The following EIF4E3 variants were observed in gnomAD, a reference collection of about 807,000 sequenced individuals.
EIF4E3 encodes the protein eukaryotic translation initiation factor 4E family member 3.
EIF4E3 carries 26 observed loss-of-function variants against 31.7 expected under a neutral mutation model. The ratio of observed to expected loss-of-function variants is 0.82; its 90% confidence interval spans 0.60 to 1.14. The LOEUF is 1.14. Ranked by LOEUF, EIF4E3 falls within the 50% of genes most tolerant of loss-of-function variation. EIF4E3 has a pLI of 0.00. For missense variants in EIF4E3, 304 were observed against 270.9 expected (o/e 1.12, Z -0.86); for synonymous variants, 128 against 107.7 (o/e 1.19, Z -1.17).
the EIF4E3 span, among the ~76,000 whole-genome samples, chr3:71,669,098 G>C: frequency 6.6e-6 from 1 of 152,130 alleles, no homozygotes; most frequent in East Asian, 1.9e-4. Context: ...CCTTTGCAGG[G>C]ACATGGATGA....
At chr3:71,726,303 C>G (rs2049638485), upstream of EIF4E3, among the ~76,000 whole-genome samples, 3 of 152,214 alleles carry the variant, frequency 2.0e-5, no homozygotes, top group Admixed American at 2.0e-4. Context: ...CCTGTGAACA[C>G]AGAGCGCTCT....
At chr3:71,713,132 G>T (rs925016932) in intron 1 of EIF4E3, among the ~76,000 whole-genome samples, 8 of 152,186 alleles carry the variant, frequency 5.3e-5, no homozygotes, top group Non-Finnish European at 1.2e-4. Context: ...TCTTGCTAGT[G>T]TGCTGAGCCT....
intron 1 of EIF4E3, among the ~76,000 whole-genome samples, chr3:71,719,573 C>G (rs1391656126): frequency 6.6e-6 from 1 of 151,862 alleles, no homozygotes; most frequent in Non-Finnish European, 1.5e-5. Context: ...TCAGCACCTA[C>G]TGTGTACCAG....
chr3:71,738,862 G>A (rs1217874071), intron 1 of EIF4E3, among the ~76,000 whole-genome samples: 1 of 148,908 alleles, frequency 6.7e-6, no homozygotes, highest in Non-Finnish European at 1.5e-5. Context: ...AAGAGTTCAT[G>A]GAATATTCAC....
In EIF4E3 at chr3:71,702,306, A is replaced by G. The variant is rs2049228474; in HGVS notation, c.250-2598T>C. On this transcript the variant is annotated intron_variant, in intron 2 of 6. Transcript: ENST00000425534. ...AGAATTTATGCACAAAATAACATTA[A>G]GAGGAAAACCCCTGCCTAAGGTAAA... Among the ~76,000 whole-genome samples, 4 of 152,332 alleles carry G rather than the reference A, an allele frequency of 2.6e-5. No homozygotes were observed. The Middle Eastern group carries it at 0.01, about 389-fold the overall frequency.
At chr3:71,686,579 T>TGTGTGTGTGTGTG (rs397806589) in intron 6 of EIF4E3, among the ~76,000 whole-genome samples, 7 of 151,180 alleles carry the variant, frequency 4.6e-5, no homozygotes, top group Admixed American at 6.6e-5. Context: ...TGTGTGTGTG[T>TGTGTGTGTGTGTG]TTTCTTTTTA....
intron 2 of EIF4E3, among the ~76,000 whole-genome samples, chr3:71,706,633 A>G (rs536364829): frequency 1.3e-5 from 2 of 152,178 alleles, no homozygotes; most frequent in Non-Finnish European, 2.9e-5. Context: ...CCTGAGCAAC[A>G]TAGCAAGACC....
intron 1 of EIF4E3, among the ~76,000 whole-genome samples, chr3:71,714,089 G>A (rs2049422816): frequency 6.6e-6 from 1 of 152,124 alleles, no homozygotes. Flanking sequence ...GTGTATGCCT[G>A]TAATCCCAGC....
chr3:71,736,001 T>G lies in EIF4E3; in HGVS notation c.-290-7378A>C, dbSNP rs184976329. On this transcript the variant is annotated intron_variant, in intron 1 of 7. Transcript: ENST00000295612. ...TGATTTTAAAATTGGACAAAAGACC[T>G]GAGCAAACATCTTGCTGATGATATA... 3.2e-4 allele frequency among the ~76,000 whole-genome samples: 48 copies of G among 152,300 alleles called. No individual in the cohort carries two copies. In the East Asian group the frequency reaches 8.5e-3, roughly 27 times the overall value.
chr3:71,673,775 C>T (rs1209683802), downstream of EIF4E3, among the ~76,000 whole-genome samples: 1 of 151,836 alleles, frequency 6.6e-6, no homozygotes, highest in African/African-American at 2.4e-5. Flanking sequence ...TCCCCAGTGC[C>T]TAACACATCA....
At position 71,682,124 on chromosome 3, in the gene EIF4E3, T is replaced by G. The variant is rs983681845; in HGVS notation, c.*2558A>C. The G allele has an allele frequency of 6.6e-6, 1 of 152,334 alleles. No homozygotes were observed. Among genetic ancestry groups the G allele is most frequent in the African/African-American group, 2.4e-5 (1 of 41,582 alleles). 9.4% of individuals were successfully genotyped at this position (152,334 alleles called of 1,614,324 possible). The stretch of plus-strand genomic sequence containing the variant: ...GTATTATTTGTCCTTACTTTCCCAA[T>G]GTAGGCAAGTGCCTGTGATATAACA... On this transcript the variant is annotated 3_prime_UTR_variant, in exon 7 of 7. Coordinates refer to ENST00000425534, the MANE Select transcript of EIF4E3 (RefSeq NM_001134651.2).
At chr3:71,715,394 T>G (rs1331306071) in intron 1 of EIF4E3, among the ~76,000 whole-genome samples, 1 of 152,262 alleles carries the variant, frequency 6.6e-6, no homozygotes, top group Non-Finnish European at 1.5e-5. Flanking sequence ...CCATAGAGTT[T>G]ATGTTTTAGA....
chr3:71,688,474 G>A (rs998510302), intron 6 of EIF4E3, among the ~76,000 whole-genome samples: 2 of 152,160 alleles, frequency 1.3e-5, no homozygotes, highest in Non-Finnish European at 2.9e-5. Flanking sequence ...AAAGGTAAAG[G>A]ATGAGAAGTT....
the EIF4E3 span, among the ~76,000 whole-genome samples, chr3:71,668,004 T>C: frequency 5.9e-5 from 9 of 152,108 alleles, no homozygotes; most frequent in Non-Finnish European, 8.8e-5. Context: ...CTTCAAACTA[T>C]ACTACAAGTC....
rs900755702 is a variant in EIF4E3, at chr3:71,682,790, T to C, written c.*1892A>G. The C allele has an allele frequency of 6.6e-6, 1 of 152,610 alleles. No homozygotes were observed. The highest frequency in any genetic ancestry group is 2.4e-5 in the African/African-American group (1 of 41,432). The allele number at this position is 152,610 out of a possible 1,614,324, so 9.5% of individuals were successfully genotyped here. ...TACATACATGCAAAAGTTGAACATG[T>C]CATCACAAATGCTTTAAATAAAGTT... is the stretch of plus-strand genomic sequence containing the variant. On this transcript the variant is annotated 3_prime_UTR_variant, in exon 7 of 7. Coordinates refer to ENST00000425534, the MANE Select transcript of EIF4E3 (RefSeq NM_001134651.2).
chr3:71,680,335 C>A lies in EIF4E3; in HGVS notation c.*4347G>T, dbSNP rs1032188052. On this transcript the variant is annotated 3_prime_UTR_variant, in exon 7 of 7. Transcript: ENST00000425534. Reference sequence around the variant, plus strand: ...CAGATATCCTCCCAGATTTCTAGTGCTGGGGTCAAGAAATGTGAATAATAA... The same window carrying A: ...CAGATATCCTCCCAGATTTCTAGTGATGGGGTCAAGAAATGTGAATAATAA... 14 of 152,266 alleles carry A rather than the reference C, an allele frequency of 9.2e-5. No homozygotes were observed. The highest frequency in any genetic ancestry group is 3.1e-4 in the African/African-American group (13 of 41,546). The allele number at this position is 152,266 out of a possible 1,614,324, so 9.4% of individuals were successfully genotyped here.
chr3:71,663,619 G>T, the EIF4E3 span, among the ~76,000 whole-genome samples: 3 of 152,206 alleles, frequency 2.0e-5, no homozygotes, highest in African/African-American at 7.2e-5. Flanking sequence ...ATATTGGGGT[G>T]AGGACCCCCA....
chr3:71,748,395 T>C (rs1559616562), intron 1 of EIF4E3, among the ~76,000 whole-genome samples: 3 of 152,176 alleles, frequency 2.0e-5, no homozygotes, highest in South Asian at 2.1e-4. Context: ...GGGATGACTA[T>C]AATTACATTG....
the EIF4E3 span, among the ~76,000 whole-genome samples, chr3:71,667,047 T>A: frequency 1.3e-5 from 2 of 152,212 alleles, no homozygotes; most frequent in Admixed American, 1.3e-4. Flanking sequence ...TTAAAAAGCT[T>A]ATCCACCACA....
Sources: allele counts gnomAD v4.1 joint callset (sites outside exome capture counted in the v4.1 genomes callset), GRCh38; gene constraint gnomAD v4.1.1; transcripts MANE v1.5; gene names NCBI Gene and HGNC (gene_info 2026-07-23, HGNC 2026-07-21).